The following DYNC2H1 variants were observed in gnomAD, a reference collection of about 807,000 sequenced individuals.
DYNC2H1 encodes the protein dynein cytoplasmic 2 heavy chain 1.
In DYNC2H1, 410 loss-of-function variants were observed where a neutral mutation model predicts 570.0. The ratio of observed to expected loss-of-function variants is 0.72; its 90% CI spans 0.66 to 0.78. The LOEUF (loss-of-function observed/expected upper bound fraction) is 0.78. Ranked by LOEUF, DYNC2H1 falls within the 30% of genes least tolerant of loss-of-function variation. The pLI is 0.00. For synonymous variants in DYNC2H1, 1,688 were observed against 1,677.6 expected (o/e 1.01, Z -0.15); for missense variants, 4,865 against 5,046.4 (o/e 0.96, Z 1.09).
intron 12 of DYNC2H1, among the ~76,000 whole-genome samples, chr11:103,126,669 C>G (rs1859018699): frequency 6.9e-6 from 1 of 144,710 alleles, no homozygotes; most frequent in Non-Finnish European, 1.5e-5. Context: ...CGGAGTCTCG[C>G]TCTGTTGCCC....
intron 88 of DYNC2H1, among the ~76,000 whole-genome samples, chr11:103,476,973 G>T (rs1464838634): frequency 6.6e-6 from 1 of 152,168 alleles, no homozygotes; most frequent in Non-Finnish European, 1.5e-5. Flanking sequence ...GCAGTCCAAA[G>T]AATCAGAGAC....
intron 70 of DYNC2H1, among the ~76,000 whole-genome samples, chr11:103,263,202 TA>T (rs1256286034): frequency 6.6e-6 from 1 of 152,012 alleles, no homozygotes; most frequent in Non-Finnish European, 1.5e-5. Flanking sequence ...CCCAGATTCA[TA>T]AAGCAAGTTC....
rs1055997863 is a variant in DYNC2H1 at position 103,170,315 on chromosome 11, T to C, written c.5151+25T>C. On this transcript the variant is annotated intron_variant, in intron 33 of 88. Coordinates refer to ENST00000375735, the MANE Select transcript of DYNC2H1 (RefSeq NM_001377.3). This position sits in a 1 kb window ranked among gnomAD's most constrained non-coding sequence, Gnocchi z 4.8. Reference sequence around the variant, plus strand: ...GGTAGAATAAATAATTATCAAAATATGTAACAATGGGTTAATCATATTTAG... The same window carrying C: ...GGTAGAATAAATAATTATCAAAATACGTAACAATGGGTTAATCATATTTAG... 3 of 1,527,554 alleles carry C rather than the reference T, an allele frequency of 2.0e-6. No homozygotes were observed. Among genetic ancestry groups the C allele is most frequent in the Non-Finnish European group, 2.6e-6 (3 of 1,138,388 alleles). 94.6% of individuals were successfully genotyped at this position (1,527,554 alleles called of 1,614,324 possible).
intron 83 of DYNC2H1, among the ~76,000 whole-genome samples, chr11:103,375,630 A>T (rs544999531): frequency 2.0e-5 from 3 of 152,332 alleles, no homozygotes; most frequent in Admixed American, 1.3e-4. Flanking sequence ...TGGAACTTTA[A>T]TGACTGCCCT....
In DYNC2H1 at chr11:103,198,742, C is replaced by T. The variant is rs187333874; in HGVS notation, c.7840-486C>T. Among the ~76,000 whole-genome samples, 653 of 152,186 alleles carry T rather than the reference C, an allele frequency of 4.3e-3. 4 individuals carry two copies. The highest frequency in any genetic ancestry group is 0.013 in the South Asian group (61 of 4,826). ...AAAGTCTAATTTTCCTTTCTCCCTT[C>T]CTGCACTCTATCAGGTAGTCCCTGG... On this transcript the variant is annotated intron_variant, in intron 48 of 88. Coordinates refer to ENST00000375735, the MANE Select transcript of DYNC2H1 (RefSeq NM_001377.3).
At chr11:103,471,605 T>C (rs542453828) in intron 88 of DYNC2H1, among the ~76,000 whole-genome samples, 2 of 152,360 alleles carry the variant, frequency 1.3e-5, no homozygotes, top group South Asian at 2.1e-4. Flanking sequence ...TATCCTGTTG[T>C]CAATAATTTA....
chr11:103,150,934 G>A (rs563586599), intron 20 of DYNC2H1, among the ~76,000 whole-genome samples: 14 of 152,214 alleles, frequency 9.2e-5, no homozygotes, highest in Non-Finnish European at 1.9e-4. Context: ...ATCTTCATGT[G>A]AGCCATATCA....
Position 103,176,983 on chromosome 11 carries a change from G to A in DYNC2H1, c.5874+549G>A, listed in dbSNP as rs1478810792. On this transcript the variant is annotated intron_variant, in intron 37 of 88. Coordinates refer to ENST00000375735, the MANE Select transcript of DYNC2H1 (RefSeq NM_001377.3). ...GGTCTCCCAAAGCACTGGGATTACA[G>A]GCCTGAGCCACCGCATCTGGCCATC... 3.9e-5 allele frequency among the ~76,000 whole-genome samples: 6 copies of A among 152,252 alleles called. No individual in the cohort carries two copies. The East Asian group carries it at 1.2e-3, about 29-fold the overall frequency.
Position 103,244,945 on chromosome 11 carries a change from T to C in DYNC2H1, c.9919-306T>C, listed in dbSNP as rs1399383152. ...TGTTTAAAACTACTCCTTCCCTATC[T>C]AGAAAGCCTTAAAATTCTTGATTAT... On this transcript the variant is annotated intron_variant, in intron 64 of 88. Coordinates refer to ENST00000375735, the MANE Select transcript of DYNC2H1 (RefSeq NM_001377.3). The surrounding 1 kb of genome is among the most constrained non-coding windows in gnomAD (Gnocchi z 4.3). Among the ~76,000 whole-genome samples the C allele has an allele frequency of 6.6e-6, 1 of 151,476 alleles. No individual in the cohort carries two copies. Among genetic ancestry groups the C allele is most frequent in the Non-Finnish European group, 1.5e-5 (1 of 67,784 alleles).
chr11:103,139,843 G>A (rs1859803907), intron 17 of DYNC2H1, among the ~76,000 whole-genome samples: 1 of 152,004 alleles, frequency 6.6e-6, no homozygotes, highest in African/African-American at 2.4e-5. Context: ...TTATTGTGTG[G>A]GAGTCTAAGT....
Position 103,145,333 on chromosome 11 carries a change from G to A in DYNC2H1, c.2702+1938G>A, listed in dbSNP as rs1206967379. The stretch of plus-strand genomic sequence containing the variant: ...TTTGAGCGTGGGTGATTTGGATACT[G>A]GTAGGACCATTAATATTAGTTTAAA... On this transcript the variant is annotated intron_variant, in intron 18 of 88. Transcript: ENST00000375735. This position sits in a 1 kb window ranked among gnomAD's most constrained non-coding sequence, Gnocchi z 4.2. Among the ~76,000 whole-genome samples the A allele has an allele frequency of 6.6e-6, 1 of 152,154 alleles. No individual in the cohort carries two copies. Among genetic ancestry groups the A allele is most frequent in the Non-Finnish European group, 1.5e-5 (1 of 68,020 alleles).
intron 87 of DYNC2H1, among the ~76,000 whole-genome samples, chr11:103,467,412 G>T (rs1331689431): frequency 2.6e-5 from 4 of 152,152 alleles, no homozygotes; most frequent in Admixed American, 2.0e-4. Context: ...TTCCCTGACT[G>T]TATGTTGCTG....
chr11:103,253,868 A>G (rs940830727), intron 66 of DYNC2H1, among the ~76,000 whole-genome samples: 1 of 152,088 alleles, frequency 6.6e-6, no homozygotes, highest in Non-Finnish European at 1.5e-5. Flanking sequence ...ATTAGAACAC[A>G]TGGCATCTTT....
At chr11:103,224,609 G>A (rs747933443) in intron 59 of DYNC2H1, among the ~76,000 whole-genome samples, 3 of 152,108 alleles carry the variant, frequency 2.0e-5, no homozygotes, top group South Asian at 2.1e-4. Context: ...GCAGTATTCC[G>A]TGGGGTATAT....
intron 81 of DYNC2H1, among the ~76,000 whole-genome samples, chr11:103,323,544 G>A (rs560094427): frequency 2.0e-5 from 3 of 151,946 alleles, no homozygotes; most frequent in South Asian, 4.1e-4. Flanking sequence ...TCTTTGGTAA[G>A]TTATAGGAAA....
At chr11:103,444,129 C>A (rs895153825) in intron 85 of DYNC2H1, among the ~76,000 whole-genome samples, 1 of 147,922 alleles carries the variant, frequency 6.8e-6, no homozygotes, top group Non-Finnish European at 1.5e-5. Flanking sequence ...TAAAATGTTT[C>A]CAGCTTTTTA....
At chr11:103,230,903 T>C (rs924272057) in intron 59 of DYNC2H1, among the ~76,000 whole-genome samples, 1 of 152,148 alleles carries the variant, frequency 6.6e-6, no homozygotes, top group Non-Finnish European at 1.5e-5. Context: ...AAATTTCTCC[T>C]ATTTCATACT....
intron 61 of DYNC2H1, 95 bp from the exon 62 acceptor site, chr11:103,235,577 T>C: frequency 1.7e-6 from 2 of 1,203,744 alleles, no homozygotes. Context: ...TACCTGTGAT[T>C]TTCCCCCTCA....
Position 103,287,629 on chromosome 11 carries a change from C to G in DYNC2H1, c.11095+24C>G, listed in dbSNP as rs183247755. ...GGGTAAGTGTGATGCTTTTCAAGAA[C>G]TAGACCACTGACCTGAATTATTTGT... is the stretch of plus-strand genomic sequence containing the variant. On this transcript the variant is annotated intron_variant, in intron 75 of 88. Transcript: ENST00000375735. The G allele has an allele frequency of 2.2e-3, 3,523 of 1,577,524 alleles. 12 individuals are homozygous for G. The highest frequency in any genetic ancestry group is 4.3e-3 in the South Asian group (361 of 84,556).
Sources: gnomAD v4.1 joint callset for allele counts (sites outside exome capture counted in the v4.1 genomes callset) on GRCh38, gnomAD v4.1.1 for gene constraint, Gnocchi (gnomAD v3.1) non-coding constraint, MANE v1.5 for transcripts, NCBI Gene and HGNC (gene_info 2026-07-23, HGNC 2026-07-21) for gene names.